The following NCBP1 variants were observed in gnomAD, a reference collection of about 807,000 sequenced individuals.
NCBP1 encodes nuclear cap-binding protein subunit 1.
Under a neutral mutation model 111.7 loss-of-function variants are expected in NCBP1, and 16 were observed. The observed-to-expected ratio is 0.14, with a 90% CI of 0.10 to 0.22. The LOEUF (loss-of-function observed/expected upper bound fraction) is 0.22, where lower values mean the gene tolerates loss of function less well. Among genes scored for constraint, NCBP1 ranks in the 10% least tolerant of loss-of-function variants. The probability of loss-of-function intolerance (pLI) is 1.00; values close to 1 mark genes in which losing one functional copy is unlikely to be tolerated. For synonymous variants in NCBP1, 304 were observed against 314.3 expected (o/e 0.97, Z 0.35); for missense variants, 607 against 957.5 (o/e 0.63, Z 4.83).
At chr9:97,659,513 A>G (rs559375573) in intron 15 of NCBP1, among the ~76,000 whole-genome samples, 5 of 152,232 alleles carry the variant, frequency 3.3e-5, no homozygotes, top group African/African-American at 1.2e-4. Context: ...CATTATGTCA[A>G]CTCTGAAGAA....
intron 6 of NCBP1, among the ~76,000 whole-genome samples, chr9:97,646,552 T>C (rs1344571145): frequency 1.3e-5 from 2 of 152,120 alleles, no homozygotes; most frequent in African/African-American, 4.8e-5. Context: ...TAAGAATCTT[T>C]TGGCCGGGCG....
chr9:97,647,605 T>A, intron 7 of NCBP1, 44 bp downstream of exon 7: 1 of 1,454,718 alleles, frequency 6.9e-7, no homozygotes, highest in South Asian at 1.1e-5. Context: ...CAGTCAGCTC[T>A]TGAATAGATT....
intron 19 of NCBP1, 108 bp downstream of exon 19, chr9:97,664,551 A>G: frequency 1.5e-6 from 1 of 687,706 alleles, no homozygotes; most frequent in Non-Finnish European, 2.4e-6. Context: ...ATATTAATAT[A>G]CTAATGGTCC....
At position 97,668,884 on chromosome 9, in the gene NCBP1, C is replaced by T. The variant is rs542085450; in HGVS notation, c.2055C>T (p.Asp685=). The T allele has an allele frequency of 1.8e-5, 29 of 1,613,176 alleles. No individual in the cohort carries two copies. Among genetic ancestry groups the T allele is most frequent in the South Asian group, 9.9e-5 (9 of 91,050 alleles). Reference sequence around the variant, plus strand: ...ACGACAGAAGCAGTGACAGGAAAGACGGGGTTCTTGAGGAACAAATAGAAC... The same window carrying T: ...ACGACAGAAGCAGTGACAGGAAAGATGGGGTTCTTGAGGAACAAATAGAAC... ...DDDDRSSDRK[D]GVLEEQIERL... Residue 685 remains aspartate (D), a synonymous_variant, in exon 21 of 23, where the codon GAC becomes GAT. Coordinates refer to ENST00000375147, the MANE Select transcript of NCBP1 (RefSeq NM_002486.5).
chr9:97,648,220 C>T lies in NCBP1; in HGVS notation c.894C>T (p.Pro298=), dbSNP rs1458542880. 3.1e-6 allele frequency: 5 copies of T among 1,613,724 alleles called. No individual in the cohort carries two copies. Among genetic ancestry groups the T allele is most frequent in the Admixed American group, 1.7e-5 (1 of 60,002 alleles). ...IFRMFDYTDD[P]EGPVMPGSHS... ...GAATGTTTGATTACACAGATGATCCCGAGGTAAGTGACCGACTAAAAGTCC... is the reference window on the plus strand; with the variant it reads ...GAATGTTTGATTACACAGATGATCCTGAGGTAAGTGACCGACTAAAAGTCC... Residue 298 remains proline (P), a synonymous_variant, in exon 8 of 23, where the codon CCC becomes CCT. Transcript: ENST00000375147.
At position 97,649,771 on chromosome 9, in the gene NCBP1, G is replaced by A. The variant is rs192897871; in HGVS notation, c.898-732G>A. On this transcript the variant is annotated intron_variant, in intron 8 of 22. Transcript: ENST00000375147. ...TTTTTTGTGCAGGGGAAACTAGAAT[G>A]GGACCTCAAAATTTGTTTCTCCTGA... Among the ~76,000 whole-genome samples the A allele has an allele frequency of 5.4e-5, 8 of 147,882 alleles. No homozygotes were observed. The East Asian group carries it at 1.6e-3, about 29-fold the overall frequency.
intron 1 of NCBP1, among the ~76,000 whole-genome samples, chr9:97,638,017 T>G (rs1248123973): frequency 1.3e-5 from 2 of 152,194 alleles, no homozygotes; most frequent in East Asian, 3.8e-4. Context: ...TAAATTTTAA[T>G]AAAAAATCTG....
At chr9:97,667,004 T>C in intron 20 of NCBP1, 127 bp downstream of exon 20, 1 of 665,226 alleles carries the variant, frequency 1.5e-6, no homozygotes, top group Admixed American at 3.5e-5. Context: ...AGCAGAAATT[T>C]TTCTGAGCCC....
intron 8 of NCBP1, among the ~76,000 whole-genome samples, chr9:97,650,292 G>A (rs1228285534): frequency 2.0e-5 from 3 of 152,200 alleles, no homozygotes; most frequent in Non-Finnish European, 2.9e-5. Flanking sequence ...GGTATGAGAT[G>A]TGGTAGAAAA....
In NCBP1 at chr9:97,633,832, G is replaced by T; in HGVS notation, c.-50G>T. ...GTCGGCCAGCGGCCAGACAGTTCCT[G>T]CAGCGCTTACCGCCTGGCCTCTCGG... On this transcript the variant is annotated 5_prime_UTR_variant, in exon 1 of 23. Transcript: ENST00000375147. 1 of 1,554,546 alleles carries T rather than the reference G, an allele frequency of 6.4e-7. No homozygotes were observed. Among genetic ancestry groups the T allele is most frequent in the Non-Finnish European group, 8.6e-7 (1 of 1,156,302 alleles).
chr9:97,636,597 A>G (rs1233930324), intron 1 of NCBP1, among the ~76,000 whole-genome samples: 2 of 143,828 alleles, frequency 1.4e-5, no homozygotes, highest in African/African-American at 5.1e-5. Context: ...ACATATAATT[A>G]TATACTGTAT....
chr9:97,666,551 G>A (rs2297159), intron 19 of NCBP1, among the ~76,000 whole-genome samples: 17,949 of 152,176 alleles, frequency 0.12, 3,006 homozygotes, highest in African/African-American at 0.37. Context: ...CCCTCAGGGG[G>A]CTCGCCTGAA....
chr9:97,648,702 C>G (rs750220400), intron 8 of NCBP1, among the ~76,000 whole-genome samples: 3 of 152,118 alleles, frequency 2.0e-5, no homozygotes, highest in South Asian at 2.1e-4. Flanking sequence ...CTCAGTCATT[C>G]TGGCAATTTT....
intron 1 of NCBP1, among the ~76,000 whole-genome samples, chr9:97,634,300 A>T (rs1389593477): frequency 6.6e-6 from 1 of 152,218 alleles, no homozygotes; most frequent in Non-Finnish European, 1.5e-5. Context: ...GCTGCACCTG[A>T]AAAGGGCTCG....
At position 97,668,827 on chromosome 9, in the gene NCBP1, G is replaced by A. The variant is rs184039146; in HGVS notation, c.2017-19G>A. The A allele has an allele frequency of 2.0e-4, 319 of 1,605,792 alleles. 3 individuals are homozygous for A. The highest frequency in any genetic ancestry group is 1.7e-3 in the Middle Eastern group (10 of 6,008). ...GGAATCTAAATGGTATTTTCCTTTT[G>A]TTCATTTGCCTTCTATAGCGAAGTG... is the stretch of plus-strand genomic sequence containing the variant. On this transcript the variant is annotated intron_variant, in intron 20 of 22. Coordinates refer to ENST00000375147, the MANE Select transcript of NCBP1 (RefSeq NM_002486.5).
intron 1 of NCBP1, among the ~76,000 whole-genome samples, chr9:97,634,854 G>T (rs1826958282): frequency 6.6e-6 from 1 of 152,178 alleles, no homozygotes; most frequent in Non-Finnish European, 1.5e-5. Context: ...TTTACTTGGT[G>T]ATCTTGTCCA....
rs538838488 is a variant in NCBP1, at chr9:97,665,749, C to T, written c.1902-1014C>T. On this transcript the variant is annotated intron_variant, in intron 19 of 22. Transcript: ENST00000375147. The stretch of plus-strand genomic sequence containing the variant: ...CAACAGGGGTTAGAGACACCGACTT[C>T]GCCCCACCCACCCCACCCCACACAG... Among the ~76,000 whole-genome samples the T allele has an allele frequency of 8.0e-5, 12 of 150,592 alleles. No homozygotes were observed. In the East Asian group the frequency reaches 1.8e-3, roughly 22 times the overall value.
intron 20 of NCBP1, among the ~76,000 whole-genome samples, chr9:97,668,422 G>T (rs558570369): frequency 6.6e-6 from 1 of 152,128 alleles, no homozygotes; most frequent in Admixed American, 6.5e-5. Context: ...ATTATATGTC[G>T]GCTGGAGCCA....
In NCBP1 at chr9:97,671,995, T is replaced by C. The variant is rs1367630369; in HGVS notation, c.*796T>C. 1 of 152,200 alleles carries C rather than the reference T, an allele frequency of 6.6e-6. No individual in the cohort carries two copies. The highest frequency in any genetic ancestry group is 1.5e-5 in the Non-Finnish European group (1 of 68,042). The allele number at this position is 152,200 out of a possible 1,614,324, so 9.4% of individuals were successfully genotyped here. A position where few individuals can be genotyped will look rare whatever the true frequency, so the allele number is the denominator to read the frequency against. ...TATTTGTCCAAGGTCTTGTAGTGAG[T>C]TACAGAATACTAAAGTGGATGTAGA... On this transcript the variant is annotated 3_prime_UTR_variant, in exon 23 of 23. Coordinates refer to ENST00000375147, the MANE Select transcript of NCBP1 (RefSeq NM_002486.5).
Sources: allele counts gnomAD v4.1 joint callset (sites outside exome capture counted in the v4.1 genomes callset), GRCh38; gene constraint gnomAD v4.1.1; transcripts MANE v1.5; gene names NCBI Gene and HGNC (gene_info 2026-07-23, HGNC 2026-07-21).